The following HTR1F variants were observed in gnomAD, a reference collection of about 807,000 sequenced individuals.
HTR1F encodes 5-hydroxytryptamine receptor 1F, also known as 5-hydroxytryptamine (serotonin) receptor 1F, G protein-coupled.
In HTR1F, 17 loss-of-function variants were observed where a neutral mutation model predicts 24.0. The observed-to-expected ratio is 0.71, with a 90% CI of 0.48 to 1.06. The LOEUF is 1.06. Among genes scored for constraint, HTR1F ranks in the 50% least tolerant of loss-of-function variants. The pLI, the probability that HTR1F is intolerant of heterozygous loss-of-function variation, is 0.00. For synonymous variants in HTR1F, 186 were observed against 156.8 expected (o/e 1.19, Z -1.39); for missense variants, 391 against 427.8 (o/e 0.91, Z 0.76).
At chr3:87,938,377 A>G (rs1704479821) in intron 2 of HTR1F, among the ~76,000 whole-genome samples, 2 of 152,202 alleles carry the variant, frequency 1.3e-5, no homozygotes, top group Non-Finnish European at 2.9e-5. Context: ...AGCAATTTAT[A>G]CATCCAGTGC....
At chr3:87,846,341 G>T (rs1704943088) in intron 2 of HTR1F, among the ~76,000 whole-genome samples, 1 of 151,812 alleles carries the variant, frequency 6.6e-6, no homozygotes, top group Admixed American at 6.6e-5. Context: ...GGCTGAGGCA[G>T]CAGAATCTTT....
intron 2 of HTR1F, among the ~76,000 whole-genome samples, chr3:87,836,961 G>A (rs1704695680): frequency 6.6e-6 from 1 of 151,816 alleles, no homozygotes; most frequent in Admixed American, 6.6e-5. Context: ...GTAGATTATG[G>A]GAAGAACATT....
At chr3:87,948,756 G>A (rs1026896996) in intron 2 of HTR1F, among the ~76,000 whole-genome samples, 10 of 152,126 alleles carry the variant, frequency 6.6e-5, no homozygotes, top group African/African-American at 2.2e-4. Flanking sequence ...TGGGACTCCA[G>A]GCATGAGCCA....
intron 2 of HTR1F, among the ~76,000 whole-genome samples, chr3:87,855,777 C>T (rs909975310): frequency 2.0e-5 from 3 of 152,214 alleles, no homozygotes; most frequent in African/African-American, 7.2e-5. Flanking sequence ...TCTCTCCATT[C>T]TGCTGTGTCC....
At chr3:87,939,268 G>C (rs565041377) in intron 2 of HTR1F, among the ~76,000 whole-genome samples, 6 of 152,262 alleles carry the variant, frequency 3.9e-5, no homozygotes, top group Admixed American at 2.0e-4. Flanking sequence ...TACTGGATTT[G>C]GTTGGCCAGT....
intron 1 of HTR1F, among the ~76,000 whole-genome samples, chr3:87,808,384 G>T (rs1704106979): frequency 6.6e-6 from 1 of 151,434 alleles, no homozygotes; most frequent in Non-Finnish European, 1.5e-5. Context: ...TTTCCTCTAG[G>T]TTTTCTAATT....
chr3:87,819,696 G>A (rs561350994), intron 1 of HTR1F, among the ~76,000 whole-genome samples: 1 of 151,980 alleles, frequency 6.6e-6, no homozygotes, highest in African/African-American at 2.4e-5. Flanking sequence ...TAACTGACCA[G>A]TATCTCCATC....
At chr3:87,857,386 AATTAAT>A (rs1444636411) in intron 2 of HTR1F, among the ~76,000 whole-genome samples, 1 of 152,124 alleles carries the variant, frequency 6.6e-6, no homozygotes, top group Non-Finnish European at 1.5e-5. Flanking sequence ...ATGTTTTTAA[AATTAAT>A]ATTTCCATCT....
intron 2 of HTR1F, among the ~76,000 whole-genome samples, chr3:87,917,447 A>G (rs74518987): frequency 2.0e-5 from 3 of 152,084 alleles, no homozygotes; most frequent in East Asian, 3.9e-4. Context: ...AAAGGTAACT[A>G]AAATTGATAG....
chr3:87,867,792 A>T (rs1428893263), intron 2 of HTR1F, among the ~76,000 whole-genome samples: 1 of 152,170 alleles, frequency 6.6e-6, no homozygotes, highest in Admixed American at 6.6e-5. Context: ...TTAAAATGGT[A>T]CCACATTGTA....
At position 87,799,168 on chromosome 3, in the gene HTR1F, A is replaced by G. The variant is rs573068320; in HGVS notation, c.-160+6326A>G. Among the ~76,000 whole-genome samples, 30 of 152,310 alleles carry G rather than the reference A, an allele frequency of 2.0e-4. 1 individual carries two copies. Among genetic ancestry groups the G allele is most frequent in the African/African-American group, 6.7e-4 (28 of 41,564 alleles). Reference sequence around the variant, plus strand: ...CTTTCCCAGGCTTTCTTATAAAAAAATTTCATCAGCTACTGTAATTTCAGC... The same window carrying G: ...CTTTCCCAGGCTTTCTTATAAAAAAGTTTCATCAGCTACTGTAATTTCAGC... On this transcript the variant is annotated intron_variant, in intron 1 of 2. Transcript: ENST00000319595.
chr3:87,917,077 A>G (rs927748899), intron 2 of HTR1F, among the ~76,000 whole-genome samples: 2 of 152,102 alleles, frequency 1.3e-5, no homozygotes, highest in Admixed American at 1.3e-4. Flanking sequence ...AAACCATGCA[A>G]ATACATGGAA....
At chr3:87,938,725 T>C (rs1704488730) in intron 2 of HTR1F, among the ~76,000 whole-genome samples, 1 of 152,168 alleles carries the variant, frequency 6.6e-6, no homozygotes, top group Non-Finnish European at 1.5e-5. Context: ...CTGGGACAAC[T>C]GGCTAGCCAT....
intron 2 of HTR1F, among the ~76,000 whole-genome samples, chr3:87,960,390 C>G (rs1408188391): frequency 6.6e-6 from 1 of 151,934 alleles, no homozygotes; most frequent in Non-Finnish European, 1.5e-5. Context: ...CTTCCTTAGA[C>G]AGTAATTCTC....
chr3:87,818,077 G>C (rs1704283938), intron 1 of HTR1F, among the ~76,000 whole-genome samples: 1 of 152,086 alleles, frequency 6.6e-6, no homozygotes, highest in Non-Finnish European at 1.5e-5. Context: ...TAACTTTGGG[G>C]ATTCTGCACG....
At chr3:87,938,703 C>G (rs1164315423) in intron 2 of HTR1F, among the ~76,000 whole-genome samples, 2 of 152,102 alleles carry the variant, frequency 1.3e-5, no homozygotes, top group Non-Finnish European at 1.5e-5. Flanking sequence ...ACTCCCTATT[C>G]AATAAATGAT....
intron 2 of HTR1F, among the ~76,000 whole-genome samples, chr3:87,947,798 T>TACC (rs1553681216): frequency 1.3e-5 from 2 of 152,048 alleles, no homozygotes; most frequent in Non-Finnish European, 2.9e-5. Flanking sequence ...ATATTTATTA[T>TACC]ATAACTATTA....
intron 2 of HTR1F, among the ~76,000 whole-genome samples, chr3:87,836,711 G>A (rs1459282513): frequency 6.6e-6 from 1 of 152,070 alleles, no homozygotes; most frequent in African/African-American, 2.4e-5. Context: ...ATACCTCCCT[G>A]AGGAAAAAGT....
intron 1 of HTR1F, among the ~76,000 whole-genome samples, chr3:87,819,972 A>G (rs909412408): frequency 1.3e-5 from 2 of 152,104 alleles, no homozygotes; most frequent in African/African-American, 4.8e-5. Flanking sequence ...TGCTATATAT[A>G]AGTTAATTCT....
Sources: gnomAD v4.1 joint callset for allele counts (sites outside exome capture counted in the v4.1 genomes callset) on GRCh38, gnomAD v4.1.1 for gene constraint, MANE v1.5 for transcripts, NCBI Gene and HGNC (gene_info 2026-07-23, HGNC 2026-07-21) for gene names.